PCDHGB6: variants seen among roughly 807,000 people sequenced by gnomAD.
The protein encoded by PCDHGB6 is protocadherin gamma-B6.
Under a neutral mutation model 59.1 loss-of-function variants are expected in PCDHGB6, and 51 were observed. The observed-to-expected ratio is 0.86, with a 90% CI of 0.69 to 1.09. The LOEUF is 1.09. PCDHGB6 is among the 50% of genes least tolerant of loss of function. The probability of loss-of-function intolerance (pLI) is 0.00; values close to 1 mark genes in which losing one functional copy is unlikely to be tolerated. For synonymous variants in PCDHGB6, 466 were observed against 495.1 expected, an observed-to-expected ratio of 0.94 and a Z score of 0.78; for missense variants, 1,148 against 1,205.1, an observed-to-expected ratio of 0.95 and a Z score of 0.70.
chr5:141,418,696 T>C, intron 1 of PCDHGB6: 1 of 1,614,034 alleles, frequency 6.2e-7, no homozygotes, highest in Non-Finnish European at 8.5e-7. Context: ...AGATCACTTA[T>C]TCCTTCTTTG....
intron 1 of PCDHGB6, among the ~76,000 whole-genome samples, chr5:141,474,726 A>G (rs549082085): frequency 6.6e-6 from 1 of 152,358 alleles, no homozygotes; most frequent in South Asian, 2.1e-4. Flanking sequence ...AAAGGACTCT[A>G]TGCAATCAAA....
In PCDHGB6 at chr5:141,410,104, C is replaced by T; in HGVS notation, c.1902C>T (p.Asp634=). The T allele has an allele frequency of 6.2e-7, 1 of 1,612,582 alleles. No homozygotes were observed. The highest frequency in any genetic ancestry group is 1.3e-5 in the African/African-American group (1 of 75,056). The change falls in exon 1 of 4, where the codon GAC becomes GAT. Residue 634 remains aspartate (D), a synonymous_variant. Coordinates refer to ENST00000520790, the MANE Select transcript of PCDHGB6 (RefSeq NM_018926.3). The part of the protein sequence containing the change: ...GEVRTARALG[D]RDAARQRLLV... ...TGCGCACGGCTCGAGCCTTAGGCGA[C>T]AGGGACGCAGCCCGCCAGCGCCTGC...
At chr5:141,444,507 G>C (rs1213059531) in intron 1 of PCDHGB6, among the ~76,000 whole-genome samples, 1 of 152,068 alleles carries the variant, frequency 6.6e-6, no homozygotes, top group Non-Finnish European at 1.5e-5. Context: ...CTTTGCTCTA[G>C]CAGTATAGTA....
chr5:141,413,207 C>CA lies in PCDHGB6; in HGVS notation c.2418+2590dup, dbSNP rs753988593. On this transcript the variant is annotated intron_variant, in intron 1 of 3. Transcript: ENST00000520790. The stretch of plus-strand genomic sequence containing the variant: ...GCTCAAAGGAATCGCTCAAAGGAAT[C>CA]AAAGGATTGCAGCGGGCTGGTCCTG... The CA allele has an allele frequency of 1.7e-5, 27 of 1,612,874 alleles. No homozygotes were observed. In the East Asian group the frequency reaches 6.0e-4, roughly 36 times the overall value.
In PCDHGB6 at chr5:141,477,590, C is replaced by T. The variant is rs1465863595; in HGVS notation, c.2419-17217C>T. On this transcript the variant is annotated intron_variant, in intron 1 of 3. Coordinates refer to ENST00000520790, the MANE Select transcript of PCDHGB6 (RefSeq NM_018926.3). This position sits in a 1 kb window ranked among gnomAD's most constrained non-coding sequence, Gnocchi z 4.9. ...CCCCGACGCCCCGCAGAATGCTCGG[C>T]TTTCTTTCTTTCTCTTGGAGCAAGG... The T allele has an allele frequency of 1.2e-6, 2 of 1,614,122 alleles. No individual in the cohort carries two copies. Among genetic ancestry groups the T allele is most frequent in the South Asian group, 2.2e-5 (2 of 91,080 alleles).
rs2096301395 is a variant in PCDHGB6, at chr5:141,418,913, C to A, written c.2418+8293C>A. On this transcript the variant is annotated intron_variant, in intron 1 of 3. Coordinates refer to ENST00000520790, the MANE Select transcript of PCDHGB6 (RefSeq NM_018926.3). ...CAGCCCAGAAATAATCATCACGTCA[C>A]TCTCTGATCAGATTATGGAGGATTC... The A allele has an allele frequency of 2.5e-6, 4 of 1,613,946 alleles. No homozygotes were observed. The highest frequency in any genetic ancestry group is 3.4e-6 in the Non-Finnish European group (4 of 1,179,822).
intron 1 of PCDHGB6, chr5:141,423,925 T>C (rs17097293): frequency 0.23 from 286,429 of 1,244,544 alleles, 36,355 homozygotes; most frequent in African/African-American, 0.51. Flanking sequence ...ACTATGCTGG[T>C]TTGGTTTGAA....
chr5:141,425,207 G>A lies in PCDHGB6; in HGVS notation c.2418+14587G>A, dbSNP rs546494803. 1.8e-3 allele frequency among the ~76,000 whole-genome samples: 281 copies of A among 152,238 alleles called. 1 individual carries two copies. The highest frequency in any genetic ancestry group is 6.6e-3 in the African/African-American group (274 of 41,534). ...TCCAAACTGAGAAAAATGATGTAAG[G>A]CATTGTACTTTGACTGGAATTAGTT... On this transcript the variant is annotated intron_variant, in intron 1 of 3. Coordinates refer to ENST00000520790, the MANE Select transcript of PCDHGB6 (RefSeq NM_018926.3).
At chr5:141,413,342 TG>T in intron 1 of PCDHGB6, 1 of 1,613,974 alleles carries the variant, frequency 6.2e-7, no homozygotes, top group South Asian at 1.1e-5. Flanking sequence ...TCCAAGGACT[TG>T]GGTCTGGCGC....
intron 1 of PCDHGB6, among the ~76,000 whole-genome samples, chr5:141,436,604 G>A (rs2097836057): frequency 6.6e-6 from 1 of 152,146 alleles, no homozygotes; most frequent in Admixed American, 6.5e-5. Context: ...GTGATGGCTA[G>A]GGCTAACAAA....
rs768206517 is a variant in PCDHGB6, at chr5:141,432,482, G to A, written c.2418+21862G>A. 10 of 1,614,060 alleles carry A rather than the reference G, an allele frequency of 6.2e-6. No homozygotes were observed. The highest frequency in any genetic ancestry group is 1.3e-5 in the African/African-American group (1 of 74,946). On this transcript the variant is annotated intron_variant, in intron 1 of 3. Coordinates refer to ENST00000520790, the MANE Select transcript of PCDHGB6 (RefSeq NM_018926.3). The surrounding 1 kb of genome is among the most constrained non-coding windows in gnomAD (Gnocchi z 6.0). ...CCTCCCCACGGACGGTTCCACTGGC[G>A]TGGAGCTGGCTCCCCGCTCCGCAGA...
At chr5:141,496,662 T>A (rs557106775) in intron 2 of PCDHGB6, among the ~76,000 whole-genome samples, 1 of 152,344 alleles carries the variant, frequency 6.6e-6, no homozygotes, top group African/African-American at 2.4e-5. Flanking sequence ...TGACCCCAGC[T>A]GTTGTCCTTC....
chr5:141,505,558 C>A (rs945428797), intron 3 of PCDHGB6, 77 bp downstream of exon 3: 1 of 1,605,016 alleles, frequency 6.2e-7, no homozygotes, highest in African/African-American at 1.3e-5. Context: ...ACCATGCCCA[C>A]GGACTGGATG....
Position 141,486,058 on chromosome 5 carries a change from G to A in PCDHGB6, c.2419-8749G>A. On this transcript the variant is annotated intron_variant, in intron 1 of 3. Transcript: ENST00000520790. The surrounding 1 kb of genome is among the most constrained non-coding windows in gnomAD (Gnocchi z 5.0). The stretch of plus-strand genomic sequence containing the variant: ...ATCGTGTAAGAAACCTCTTTAGCCT[G>A]CACCCCACTACTGGAAAGCTTACTC... The A allele has an allele frequency of 6.2e-7, 1 of 1,614,122 alleles. No homozygotes were observed. The highest frequency in any genetic ancestry group is 8.5e-7 in the Non-Finnish European group (1 of 1,180,012).
At chr5:141,495,463 G>T (rs1562169154) in intron 2 of PCDHGB6, among the ~76,000 whole-genome samples, 1 of 152,114 alleles carries the variant, frequency 6.6e-6, no homozygotes, top group Non-Finnish European at 1.5e-5. Context: ...TCTGTCTGTG[G>T]GGTCTCCGTG....
rs144613597 is a variant in PCDHGB6, at chr5:141,483,029, G to A, written c.2419-11778G>A. 3.9e-3 allele frequency among the ~76,000 whole-genome samples: 588 copies of A among 152,220 alleles called. 6 individuals are homozygous for A. Among genetic ancestry groups the A allele is most frequent in the Admixed American group, 0.011 (169 of 15,280 alleles). ...GAACCCGGGAGGCAGAGGTTGCAAT[G>A]AGCTGGTGTCAGGCCACTGCACTCC... On this transcript the variant is annotated intron_variant, in intron 1 of 3. Transcript: ENST00000520790.
intron 1 of PCDHGB6, chr5:141,441,088 G>A (rs1050261040): frequency 3.9e-5 from 6 of 152,162 alleles, no homozygotes; most frequent in African/African-American, 1.4e-4. Context: ...GGTAGCAAGT[G>A]ACAGAGAGGG....
chr5:141,487,435 A>G lies in PCDHGB6; in HGVS notation c.2419-7372A>G, dbSNP rs776328527. On this transcript the variant is annotated intron_variant, in intron 1 of 3. Transcript: ENST00000520790. The surrounding 1 kb of genome is among the most constrained non-coding windows in gnomAD (Gnocchi z 5.0). ...CCAATGGGATCCTCCGAATCCAGCT[A>G]GGGTCAGATGACCCTATCAAGTTTG... 3.7e-6 allele frequency: 6 copies of G among 1,614,164 alleles called. No individual in the cohort carries two copies. In the South Asian group the frequency reaches 6.6e-5, roughly 18 times the overall value.
At chr5:141,420,907 C>G (rs916293573) in intron 1 of PCDHGB6, 3 of 301,914 alleles carry the variant, frequency 9.9e-6, no homozygotes, top group Admixed American at 4.6e-5. Context: ...TCTACAAATA[C>G]GTGTGATTCA....
Sources: gnomAD v4.1 joint callset for allele counts (sites outside exome capture counted in the v4.1 genomes callset) on GRCh38, gnomAD v4.1.1 for gene constraint, Gnocchi (gnomAD v3.1) non-coding constraint, MANE v1.5 for transcripts, NCBI Gene and HGNC (gene_info 2026-07-23, HGNC 2026-07-21) for gene names.